The following PCDH9 variants were observed in gnomAD, a reference collection of about 807,000 sequenced individuals.
The protein encoded by PCDH9 is protocadherin-9.
Under a neutral mutation model 70.6 loss-of-function variants are expected in PCDH9, and 24 were observed. The ratio of observed to expected loss-of-function variants is 0.34; its 90% CI spans 0.25 to 0.48. The LOEUF (loss-of-function observed/expected upper bound fraction) is 0.48. PCDH9 is among the 20% of genes least tolerant of loss of function. PCDH9 has a pLI of 0.99. For synonymous variants in PCDH9, 562 were observed against 558.5 expected (o/e 1.01, Z -0.09); for missense variants, 1,281 against 1,503.6 (o/e 0.85, Z 2.45).
intron 3 of PCDH9, among the ~76,000 whole-genome samples, chr13:66,848,294 CTACAAT>C (rs2081248144): frequency 6.6e-6 from 1 of 152,174 alleles, no homozygotes; most frequent in Admixed American, 6.5e-5. Context: ...TTTTTAAACT[CTACAAT>C]TACATTTTTC....
intron 4 of PCDH9, among the ~76,000 whole-genome samples, chr13:66,374,865 AGTTT>A (rs1429548267): frequency 2.6e-5 from 4 of 152,086 alleles, no homozygotes; most frequent in African/African-American, 9.7e-5. Context: ...GACTGGTCAG[AGTTT>A]GTTAGAGCTG....
chr13:67,013,876 G>A (rs1301520204), intron 2 of PCDH9, among the ~76,000 whole-genome samples: 2 of 151,968 alleles, frequency 1.3e-5, no homozygotes, highest in African/African-American at 4.8e-5. Context: ...ATGACAGACA[G>A]TACCAGAACA....
intron 2 of PCDH9, among the ~76,000 whole-genome samples, chr13:66,917,253 C>T (rs2082571464): frequency 1.3e-5 from 2 of 151,444 alleles, no homozygotes; most frequent in African/African-American, 4.8e-5. Context: ...TGCCACGAAA[C>T]TGGGCCTTTG....
At chr13:67,081,977 T>C (rs1343640756) in intron 2 of PCDH9, among the ~76,000 whole-genome samples, 6 of 152,210 alleles carry the variant, frequency 3.9e-5, no homozygotes, top group Admixed American at 3.9e-4. Context: ...TACAACTTAA[T>C]GAGCTTGGAG....
intron 3 of PCDH9, among the ~76,000 whole-genome samples, chr13:66,772,873 C>T (rs2079830167): frequency 6.6e-6 from 1 of 151,380 alleles, no homozygotes; most frequent in African/African-American, 2.4e-5. Flanking sequence ...TCTCTATTAT[C>T]TATATAGAGG....
chr13:67,013,163 C>T (rs1273007411), intron 2 of PCDH9, among the ~76,000 whole-genome samples: 1 of 151,520 alleles, frequency 6.6e-6, no homozygotes, highest in Admixed American at 6.6e-5. Flanking sequence ...ATTGGAAAAA[C>T]ATAAATCACC....
chr13:66,556,340 T>C (rs919416276), intron 4 of PCDH9, among the ~76,000 whole-genome samples: 56 of 152,258 alleles, frequency 3.7e-4, no homozygotes, highest in African/African-American at 1.3e-3. Context: ...AAAAATTGGC[T>C]ACAATAAAAT....
chr13:66,824,484 C>T (rs1003509827), intron 3 of PCDH9, among the ~76,000 whole-genome samples: 2 of 148,686 alleles, frequency 1.3e-5, no homozygotes, highest in Non-Finnish European at 3.0e-5. Context: ...GGTGAAACCC[C>T]GTCTCTACTA....
chr13:66,873,404 G>A (rs2081734635), intron 3 of PCDH9, among the ~76,000 whole-genome samples: 1 of 152,136 alleles, frequency 6.6e-6, no homozygotes, highest in South Asian at 2.1e-4. Context: ...AATAGTGAAT[G>A]TCAAACAATC....
intron 2 of PCDH9, among the ~76,000 whole-genome samples, chr13:66,966,306 C>G (rs184714713): frequency 2.2e-3 from 332 of 152,136 alleles, no homozygotes; most frequent in African/African-American, 7.4e-3. Flanking sequence ...AATGAGGTAA[C>G]ATAAAACATG....
chr13:67,060,549 T>C (rs1327854725), intron 2 of PCDH9, among the ~76,000 whole-genome samples: 1 of 152,148 alleles, frequency 6.6e-6, no homozygotes, highest in African/African-American at 2.4e-5. Context: ...TTTGTTTTTT[T>C]AAATGACTCT....
At chr13:66,453,796 TTTC>T (rs1294432162) in intron 4 of PCDH9, among the ~76,000 whole-genome samples, 2 of 152,156 alleles carry the variant, frequency 1.3e-5, no homozygotes, top group African/African-American at 4.8e-5. Flanking sequence ...AAAATTATTA[TTTC>T]TTAACTATTA....
At chr13:66,677,755 A>G (rs1044993075) in intron 3 of PCDH9, among the ~76,000 whole-genome samples, 1 of 152,112 alleles carries the variant, frequency 6.6e-6, no homozygotes, top group Admixed American at 6.6e-5. Context: ...TGCCAGCACC[A>G]TGATTCCTCG....
intron 3 of PCDH9, among the ~76,000 whole-genome samples, chr13:66,813,807 A>G (rs1157414980): frequency 6.6e-6 from 1 of 152,168 alleles, no homozygotes; most frequent in East Asian, 1.9e-4. Context: ...TTAGTGCTTT[A>G]TTATGCACAA....
At chr13:66,345,058 G>A (rs1956192173) in intron 4 of PCDH9, among the ~76,000 whole-genome samples, 1 of 152,054 alleles carries the variant, frequency 6.6e-6, no homozygotes, top group Non-Finnish European at 1.5e-5. Context: ...TATAACTCAG[G>A]GATTGTTCCA....
In PCDH9 at chr13:67,053,503, A is replaced by G. The variant is rs149561324; in HGVS notation, c.3037-149898T>C. ...GGAGCATTGACTAAAATAAACATAG[A>G]AGACATTAGGGTACACAAAATATAC... On this transcript the variant is annotated intron_variant, in intron 2 of 4. Transcript: ENST00000377865. Among the ~76,000 whole-genome samples the G allele has an allele frequency of 3.9e-5, 6 of 152,300 alleles. No individual in the cohort carries two copies. In the East Asian group the frequency reaches 7.7e-4, roughly 20 times the overall value.
intron 2 of PCDH9, among the ~76,000 whole-genome samples, chr13:67,053,860 A>G (rs1380127025): frequency 6.6e-6 from 1 of 152,254 alleles, no homozygotes; most frequent in Non-Finnish European, 1.5e-5. Context: ...TATACCAGAT[A>G]TTGTTCCAAA....
At chr13:66,713,745 A>G (rs1471352808) in intron 3 of PCDH9, among the ~76,000 whole-genome samples, 2 of 150,918 alleles carry the variant, frequency 1.3e-5, no homozygotes, top group Non-Finnish European at 3.0e-5. Context: ...CACCACCTCT[A>G]GTATAGTAAG....
intron 4 of PCDH9, among the ~76,000 whole-genome samples, chr13:66,461,818 C>T (rs1958430338): frequency 6.6e-6 from 1 of 151,656 alleles, no homozygotes; most frequent in Non-Finnish European, 1.5e-5. Context: ...TAGAATAGTA[C>T]CAAATAATTA....
Sources: allele counts gnomAD v4.1 joint callset (sites outside exome capture counted in the v4.1 genomes callset), GRCh38; gene constraint gnomAD v4.1.1; transcripts MANE v1.5; gene names NCBI Gene and HGNC (gene_info 2026-07-23, HGNC 2026-07-21).